Variants in NDST3 observed in about 807,000 individuals in gnomAD.
NDST3 encodes N-deacetylase and N-sulfotransferase 3, also known as bifunctional heparan sulfate N-deacetylase/N-sulfotransferase 3.
Under a neutral mutation model 96.1 loss-of-function variants are expected in NDST3, and 58 were observed. The ratio of observed to expected loss-of-function variants is 0.60; its 90% CI spans 0.49 to 0.75. The LOEUF (loss-of-function observed/expected upper bound fraction) is 0.75. Among genes scored for constraint, NDST3 ranks in the 30% least tolerant of loss-of-function variants. The pLI, the probability that NDST3 is intolerant of heterozygous loss-of-function variation, is 0.00. For synonymous variants in NDST3, 333 were observed against 359.7 expected (o/e 0.93, Z 0.84); for missense variants, 788 against 1,034.2 (o/e 0.76, Z 3.27).
intron 6 of NDST3, chr4:118,194,457 C>T (rs1319867395): frequency 2.7e-6 from 2 of 730,886 alleles, no homozygotes; most frequent in Non-Finnish European, 5.1e-6. Context: ...CACACCTCCC[C>T]TGCCTTCATG....
intron 12 of NDST3, among the ~76,000 whole-genome samples, chr4:118,252,886 C>G (rs1386336829): frequency 6.6e-6 from 1 of 151,858 alleles, no homozygotes; most frequent in Non-Finnish European, 1.5e-5. Context: ...ACCAAGACTC[C>G]TTCTCAAAAA....
chr4:118,196,706 C>T (rs1395442612), intron 6 of NDST3, among the ~76,000 whole-genome samples: 1 of 151,732 alleles, frequency 6.6e-6, no homozygotes, highest in East Asian at 1.9e-4. Context: ...CCTTTTTCAT[C>T]TCTGATTTTA....
In NDST3 at chr4:118,237,534, T is replaced by C. The variant is rs561988828; in HGVS notation, c.2118+314T>C. The stretch of plus-strand genomic sequence containing the variant: ...GCCTCTATATATCTGCATTTTAAGG[T>C]AATAATTTAAAATCATTATTTTTTC... On this transcript the variant is annotated intron_variant, in intron 10 of 13. Coordinates refer to ENST00000296499, the MANE Select transcript of NDST3 (RefSeq NM_004784.3). Among the ~76,000 whole-genome samples the C allele has an allele frequency of 1.2e-4, 19 of 152,312 alleles. No individual in the cohort carries two copies. The South Asian group carries it at 3.7e-3, about 30-fold the overall frequency.
intron 4 of NDST3, among the ~76,000 whole-genome samples, chr4:118,119,323 C>T (rs1054708227): frequency 2.0e-5 from 3 of 152,092 alleles, no homozygotes; most frequent in Non-Finnish European, 2.9e-5. Flanking sequence ...GACTTGCTGG[C>T]TTAAGGAATA....
rs185018449 is a variant in NDST3 at position 118,087,085 on chromosome 4, T to C, written c.982-17933T>C. Among the ~76,000 whole-genome samples, 561 of 152,254 alleles carry C rather than the reference T, an allele frequency of 3.7e-3. 1 individual carries two copies. Among genetic ancestry groups the C allele is most frequent in the South Asian group, 0.016 (76 of 4,826 alleles). The stretch of plus-strand genomic sequence containing the variant: ...TCTAGACAAGACAGCTTAGACCATA[T>C]GGAAATATGGGTTTAAATCTTCCAT... On this transcript the variant is annotated intron_variant, in intron 2 of 13. Transcript: ENST00000296499.
At chr4:118,070,663 T>G (rs918841649) in intron 2 of NDST3, among the ~76,000 whole-genome samples, 6 of 145,654 alleles carry the variant, frequency 4.1e-5, no homozygotes, top group Non-Finnish European at 4.6e-5. Flanking sequence ...TTTTTTTTTG[T>G]ACACTTTAAG....
At chr4:118,211,646 T>A (rs977010392) in intron 6 of NDST3, among the ~76,000 whole-genome samples, 1 of 152,106 alleles carries the variant, frequency 6.6e-6, no homozygotes, top group African/African-American at 2.4e-5. Flanking sequence ...AGCACAGGGG[T>A]TGGCTCTGGC....
At chr4:118,091,071 A>C (rs1728827127) in intron 2 of NDST3, among the ~76,000 whole-genome samples, 1 of 151,754 alleles carries the variant, frequency 6.6e-6, no homozygotes, top group African/African-American at 2.4e-5. Flanking sequence ...CAAAAAAAAA[A>C]CAAAAATGCT....
At chr4:118,126,318 A>T (rs1248128382) in intron 4 of NDST3, among the ~76,000 whole-genome samples, 4 of 151,590 alleles carry the variant, frequency 2.6e-5, no homozygotes, top group African/African-American at 4.8e-5. Flanking sequence ...CTCTATCTCC[A>T]CGTGTTCAAT....
intron 10 of NDST3, among the ~76,000 whole-genome samples, chr4:118,239,497 T>G (rs28374287): frequency 0.039 from 5,944 of 152,234 alleles, 177 homozygotes; most frequent in African/African-American, 0.085. Context: ...AAATTGCAAA[T>G]TGCCTGATTT....
At chr4:118,072,958 A>C (rs1379780947) in intron 2 of NDST3, among the ~76,000 whole-genome samples, 1 of 152,080 alleles carries the variant, frequency 6.6e-6, no homozygotes, top group South Asian at 2.1e-4. Context: ...TTTTATCGAA[A>C]GCTTTTCTGC....
At chr4:118,107,110 A>AATCATC (rs935652158) in intron 3 of NDST3, among the ~76,000 whole-genome samples, 1 of 151,430 alleles carries the variant, frequency 6.6e-6, no homozygotes, top group African/African-American at 2.4e-5. Flanking sequence ...TAATAATAAT[A>AATCATC]ATCATCATCA....
In NDST3 at chr4:118,143,625, A is replaced by C. The variant is rs745607453; in HGVS notation, c.1480A>C (p.Lys494Gln). ...IFYKEYPGGP[K>Q]ELDKSIQGGE... ...CTACAAAGAATATCCAGGGGGTCCT[A>C]AAGAGCTGGATAAGAGTATCCAAGG... The change falls in exon 6 of 14, where the codon AAA (lysine) becomes CAA (glutamine). Residue 494 changes from lysine (K) to glutamine (Q), a missense_variant. Transcript: ENST00000296499. 5.0e-6 allele frequency: 8 copies of C among 1,610,782 alleles called. No individual in the cohort carries two copies. The South Asian group carries it at 8.9e-5, about 18-fold the overall frequency.
chr4:118,242,668 A>G (rs560699419), intron 12 of NDST3, among the ~76,000 whole-genome samples: 1 of 152,274 alleles, frequency 6.6e-6, no homozygotes, highest in South Asian at 2.1e-4. Flanking sequence ...CTTTGTCTTT[A>G]TCCACTATTT....
intron 2 of NDST3, among the ~76,000 whole-genome samples, chr4:118,094,656 C>T (rs906985223): frequency 6.6e-6 from 1 of 151,766 alleles, no homozygotes; most frequent in Non-Finnish European, 1.5e-5. Flanking sequence ...TTTGGCATTA[C>T]CAGTAATTAA....
chr4:118,072,821 C>G (rs899932723), intron 2 of NDST3, among the ~76,000 whole-genome samples: 3 of 151,870 alleles, frequency 2.0e-5, no homozygotes, highest in Non-Finnish European at 4.4e-5. Context: ...TCAAAGGGTA[C>G]GCTTCCAGCT....
chr4:118,067,105 A>G (rs1273909396), intron 2 of NDST3, among the ~76,000 whole-genome samples: 2 of 151,220 alleles, frequency 1.3e-5, no homozygotes, highest in Non-Finnish European at 2.9e-5. Flanking sequence ...AATGAAGATT[A>G]GAGTTGCTGC....
intron 1 of NDST3, among the ~76,000 whole-genome samples, chr4:118,052,180 C>T (rs564563893): frequency 2.8e-4 from 42 of 152,158 alleles, no homozygotes; most frequent in African/African-American, 9.6e-4. Context: ...GGTACAAATA[C>T]ACCATGGAAT....
chr4:118,068,166 CTTTTTTTT>C (rs34891564), intron 2 of NDST3, among the ~76,000 whole-genome samples: 9 of 84,336 alleles, frequency 1.1e-4, no homozygotes, highest in Non-Finnish European at 2.0e-4. Flanking sequence ...TACTTGATCT[CTTTTTTTT>C]TTTTTTTTTT....
Sources: allele counts gnomAD v4.1 joint callset (sites outside exome capture counted in the v4.1 genomes callset), GRCh38; gene constraint gnomAD v4.1.1; transcripts MANE v1.5; gene names NCBI Gene and HGNC (gene_info 2026-07-23, HGNC 2026-07-21).